PLVAP: variants seen among roughly 807,000 people sequenced by gnomAD.
The protein encoded by PLVAP is plasmalemma vesicle associated protein, also known as plasmalemma vesicle-associated protein.
A neutral mutation model predicts 43.1 loss-of-function variants in PLVAP; 34 were observed. The ratio of observed to expected loss-of-function variants is 0.79; its 90% CI spans 0.60 to 1.05. The LOEUF (loss-of-function observed/expected upper bound fraction) is 1.05, where lower values mean the gene tolerates loss of function less well. Ranked by LOEUF, PLVAP falls within the 50% of genes least tolerant of loss-of-function variation. The pLI, the probability that PLVAP is intolerant of heterozygous loss-of-function variation, is 0.00. For synonymous variants in PLVAP, 241 were observed against 237.3 expected, an observed-to-expected ratio of 1.02 and a Z score of -0.14; for missense variants, 574 against 593.4, an observed-to-expected ratio of 0.97 and a Z score of 0.34.
chr19:17,352,384 G>C lies in PLVAP; in HGVS notation c.1323-16C>G. 1 of 1,613,006 alleles carries C rather than the reference G, an allele frequency of 6.2e-7. No homozygotes were observed. The highest frequency in any genetic ancestry group is 1.7e-5 in the Admixed American group (1 of 60,002). ...TCCTCAGCCACTAGGGCAGGAAGGG[G>C]ATGGTAACACAACAGAGTGTCAGAC... On this transcript the variant is annotated splice_polypyrimidine_tract_variant and intron_variant, in intron 5 of 5. Coordinates refer to ENST00000252590, the MANE Select transcript of PLVAP (RefSeq NM_031310.3).
intron 1 of PLVAP, among the ~76,000 whole-genome samples, chr19:17,367,791 C>G (rs1489717386): frequency 9.2e-5 from 14 of 152,330 alleles, no homozygotes; most frequent in African/African-American, 3.4e-4. Flanking sequence ...GTGTGCACCA[C>G]CATGCCTGGC....
intron 5 of PLVAP, among the ~76,000 whole-genome samples, chr19:17,356,619 G>A (rs535790206): frequency 1.3e-5 from 2 of 151,886 alleles, no homozygotes; most frequent in South Asian, 2.1e-4. Flanking sequence ...GATTACAGGC[G>A]TGAGCCACTT....
intron 1 of PLVAP, among the ~76,000 whole-genome samples, chr19:17,370,326 C>T (rs996145170): frequency 1.3e-5 from 2 of 152,208 alleles, no homozygotes; most frequent in Admixed American, 6.6e-5. Flanking sequence ...CACATCCTCA[C>T]ATCAACTTGC....
At chr19:17,374,338 G>A (rs747047281) in intron 1 of PLVAP, among the ~76,000 whole-genome samples, 4 of 151,838 alleles carry the variant, frequency 2.6e-5, no homozygotes, top group South Asian at 2.1e-4. Context: ...GACGGCGGGC[G>A]CCTGTAGTCC....
In PLVAP at chr19:17,365,781, C is replaced by T. The variant is rs1459528662; in HGVS notation, c.684G>A (p.Leu228=). Residue 228 remains leucine (L), a synonymous_variant, in exon 3 of 6, where the codon CTG becomes CTA. Transcript: ENST00000252590. ...GGTCCATCTCAAACTTGTCCTTGTCCAGGGGCAGGCAGAGGGCTTGCACCT... is the reference window on the plus strand; with the variant it reads ...GGTCCATCTCAAACTTGTCCTTGTCTAGGGGCAGGCAGAGGGCTTGCACCT... ...LQKVQALCLP[L]DKDKFEMDLR... 3 of 1,614,184 alleles carry T rather than the reference C, an allele frequency of 1.9e-6. No homozygotes were observed. The South Asian group carries it at 3.3e-5, about 18-fold the overall frequency.
In PLVAP at chr19:17,352,239, AT is replaced by A; in HGVS notation, c.*122del. 1 of 1,167,128 alleles carries A rather than the reference AT, an allele frequency of 8.6e-7. No homozygotes were observed. The highest frequency in any genetic ancestry group is 1.2e-6 in the Non-Finnish European group (1 of 866,482). The allele number at this position is 1,167,128 out of a possible 1,614,324, so 72.3% of individuals were successfully genotyped here. On this transcript the variant is annotated 3_prime_UTR_variant, in exon 6 of 6. Transcript: ENST00000252590. ...GGGTTTGCATGCAGGGAGTTGTCTGATGGTGGCCCTGGGTGGTTGGGGGCGG... is the reference window on the plus strand; with the variant it reads ...GGGTTTGCATGCAGGGAGTTGTCTGAGGTGGCCCTGGGTGGTTGGGGGCGG...
chr19:17,377,319 C>T lies in PLVAP; in HGVS notation c.-31G>A. 3 of 1,560,388 alleles carry T rather than the reference C, an allele frequency of 1.9e-6. No individual in the cohort carries two copies. Among genetic ancestry groups the T allele is most frequent in the Non-Finnish European group, 2.6e-6 (3 of 1,139,352 alleles). On this transcript the variant is annotated 5_prime_UTR_variant, in exon 1 of 6. Coordinates refer to ENST00000252590, the MANE Select transcript of PLVAP (RefSeq NM_031310.3). ...CGATCCCGCCGTCCGGTGCACCGTC[C>T]CTGCTCACCACCAGGCCTGCTCTGG... is the stretch of plus-strand genomic sequence containing the variant.
At chr19:17,371,071 A>G (rs1296642375) in intron 1 of PLVAP, among the ~76,000 whole-genome samples, 1 of 151,616 alleles carries the variant, frequency 6.6e-6, no homozygotes, top group Non-Finnish European at 1.5e-5. Flanking sequence ...AAACAAACAA[A>G]CAAACAAAAA....
chr19:17,371,615 C>A (rs1018596155), intron 1 of PLVAP, among the ~76,000 whole-genome samples: 2 of 152,088 alleles, frequency 1.3e-5, no homozygotes, highest in Non-Finnish European at 2.9e-5. Flanking sequence ...CTCAGTCTCT[C>A]AAGTAGCTGG....
rs1468269802 is a variant in PLVAP at position 17,377,173 on chromosome 19, A to C, written c.116T>G (p.Ile39Ser). 6.2e-7 allele frequency: 1 copy of C among 1,613,892 alleles called. No homozygotes were observed. The highest frequency in any genetic ancestry group is 8.5e-7 in the Non-Finnish European group (1 of 1,180,000). ...FLFVSLIQFLIILGLVLFMVY... is the reference protein window; with the variant it reads ...FLFVSLIQFLSILGLVLFMVY... The stretch of plus-strand genomic sequence containing the variant: ...CATGAAGAGCACGAGCCCCAGGATG[A>C]TGAGGAATTGGATGAGGGAGACGAA... Residue 39 changes from isoleucine to serine, a missense_variant, in exon 1 of 6, where the codon ATC becomes AGC. Transcript: ENST00000252590.
chr19:17,359,357 G>A (rs975432359), intron 5 of PLVAP, among the ~76,000 whole-genome samples: 3 of 146,628 alleles, frequency 2.0e-5, no homozygotes, highest in South Asian at 2.2e-4. Context: ...CAAGTGATCC[G>A]CCCGCTTCAG....
chr19:17,375,455 C>T (rs2074591042), intron 1 of PLVAP, among the ~76,000 whole-genome samples: 1 of 152,036 alleles, frequency 6.6e-6, no homozygotes, highest in Non-Finnish European at 1.5e-5. Context: ...AATATACTTA[C>T]AGTTTAAAAA....
chr19:17,360,355 T>G (rs2074523080), intron 5 of PLVAP, among the ~76,000 whole-genome samples, 173 bp downstream of exon 5: 1 of 152,092 alleles, frequency 6.6e-6, no homozygotes, highest in African/African-American at 2.4e-5. Context: ...GGACTGGGTG[T>G]GTCTTGGATA....
chr19:17,376,591 A>G (rs2074596169), intron 1 of PLVAP, among the ~76,000 whole-genome samples: 1 of 152,056 alleles, frequency 6.6e-6, no homozygotes, highest in Non-Finnish European at 1.5e-5. Context: ...TGAGGTCAGG[A>G]GTTTGAGACC....
rs56211195 is a variant in PLVAP, at chr19:17,357,336, C to T, written c.1322+3192G>A. On this transcript the variant is annotated intron_variant, in intron 5 of 5. Transcript: ENST00000252590. Reference sequence around the variant, plus strand: ...GTGGAAAAGGAAAAATCAACTCTCCCGATGCATGAGGTGGGTGATTTAATG... The same window carrying T: ...GTGGAAAAGGAAAAATCAACTCTCCTGATGCATGAGGTGGGTGATTTAATG... Among the ~76,000 whole-genome samples the T allele has an allele frequency of 4.5e-3, 688 of 151,856 alleles. 8 individuals are homozygous for T. Among genetic ancestry groups the T allele is most frequent in the African/African-American group, 0.015 (617 of 41,420 alleles).
At chr19:17,370,306 G>A (rs1313878848) in intron 1 of PLVAP, among the ~76,000 whole-genome samples, 1 of 152,122 alleles carries the variant, frequency 6.6e-6, no homozygotes, top group Non-Finnish European at 1.5e-5. Context: ...TATACCCAGA[G>A]CAATGGAAAC....
chr19:17,352,247 C>T lies in PLVAP; in HGVS notation c.*115G>A. ...ATGCAGGGAGTTGTCTGATGGTGGC[C>T]CTGGGTGGTTGGGGGCGGCGGGAGG... On this transcript the variant is annotated 3_prime_UTR_variant, in exon 6 of 6. Coordinates refer to ENST00000252590, the MANE Select transcript of PLVAP (RefSeq NM_031310.3). 4 of 1,403,306 alleles carry T rather than the reference C, an allele frequency of 2.9e-6. No individual in the cohort carries two copies. Among genetic ancestry groups the T allele is most frequent in the Middle Eastern group, 2.5e-4 (1 of 4,026 alleles). The allele number at this position is 1,403,306 out of a possible 1,614,324, so 86.9% of individuals were successfully genotyped here. A position where few individuals can be genotyped will look rare whatever the true frequency, so the allele number is the denominator to read the frequency against.
chr19:17,366,287 A>G (rs944076250), intron 1 of PLVAP, 92 bp from the exon 2 acceptor site: 4 of 1,187,830 alleles, frequency 3.4e-6, no homozygotes, highest in Non-Finnish European at 5.0e-6. Flanking sequence ...TGGTGGCCAG[A>G]GTGAGCTGAG....
chr19:17,371,177 A>ATTT (rs936515395), intron 1 of PLVAP, among the ~76,000 whole-genome samples: 2 of 151,374 alleles, frequency 1.3e-5, no homozygotes, highest in African/African-American at 2.4e-5. Context: ...TATTATTATT[A>ATTT]TTGAGATGGA....
Sources: gnomAD v4.1 joint callset for allele counts (sites outside exome capture counted in the v4.1 genomes callset) on GRCh38, gnomAD v4.1.1 for gene constraint, MANE v1.5 for transcripts, NCBI Gene and HGNC (gene_info 2026-07-23, HGNC 2026-07-21) for gene names.